The following GDAP1 variants were observed in gnomAD, a reference collection of about 807,000 sequenced individuals.
GDAP1 encodes ganglioside induced differentiation associated protein 1, also known as ganglioside-induced differentiation-associated protein 1.
In GDAP1, 34 loss-of-function variants were observed where a neutral mutation model predicts 40.1. That is an observed-to-expected ratio of 0.85 (90% confidence interval 0.64 to 1.13). The LOEUF (loss-of-function observed/expected upper bound fraction) is 1.13, where lower values mean the gene tolerates loss of function less well. GDAP1 is among the 50% of genes most tolerant of loss of function. The pLI is 0.00. For synonymous variants in GDAP1, 170 were observed against 157.4 expected, an observed-to-expected ratio of 1.08 and a Z score of -0.60; for missense variants, 374 against 433.7, an observed-to-expected ratio of 0.86 and a Z score of 1.22.
chr8:74,469,648 TAC>T (rs1224478905), intron 2 of GDAP1, among the ~76,000 whole-genome samples: 1 of 127,822 alleles, frequency 7.8e-6, no homozygotes, highest in Non-Finnish European at 1.7e-5. Context: ...CAGCCTGGGC[TAC>T]AGAGTGAGAC....
intron 2 of GDAP1, among the ~76,000 whole-genome samples, chr8:74,381,760 TAAA>T (rs59246526): frequency 0.43 from 61,397 of 142,122 alleles, 13,044 homozygotes; most frequent in African/African-American, 0.48. Flanking sequence ...CATCTCAAAT[TAAA>T]AAAAAAAAAA....
chr8:74,463,971 T>C (rs1244185029), intron 2 of GDAP1, among the ~76,000 whole-genome samples: 1 of 152,186 alleles, frequency 6.6e-6, no homozygotes, highest in African/African-American at 2.4e-5. Flanking sequence ...ATGTACCTGC[T>C]ATATCAAGAG....
At chr8:74,435,437 A>T (rs1334637921) in intron 2 of GDAP1, among the ~76,000 whole-genome samples, 1 of 152,196 alleles carries the variant, frequency 6.6e-6, no homozygotes, top group Non-Finnish European at 1.5e-5. Flanking sequence ...AGTTGAAATC[A>T]TTTCAAGGAG....
chr8:74,461,670 A>G (rs1806402631), intron 2 of GDAP1, among the ~76,000 whole-genome samples: 1 of 152,240 alleles, frequency 6.6e-6, no homozygotes, highest in South Asian at 2.1e-4. Flanking sequence ...CATGTTTGGC[A>G]TTGTATGGAT....
chr8:74,477,491 C>G lies in GDAP1; in HGVS notation c.166-11187C>G, dbSNP rs548129232. ...TTTTTTTTTAATTCTATTTGATGAC[C>G]TTGGGGGTTTGTGGTATAAAGTGAA... On this transcript the variant is annotated intron_variant, in intron 2 of 2. Coordinates refer to the GDAP1 transcript ENST00000523640. 6.6e-5 allele frequency among the ~76,000 whole-genome samples: 10 copies of G among 151,676 alleles called. No homozygotes were observed. In the South Asian group the frequency reaches 2.1e-3, roughly 32 times the overall value.
intron 2 of GDAP1, 140 bp downstream of exon 2, chr8:74,351,606 A>G: frequency 3.9e-6 from 3 of 768,552 alleles, no homozygotes; most frequent in Non-Finnish European, 7.0e-6. Context: ...TTCCATTTCC[A>G]TAAGCACACA....
Position 74,462,751 on chromosome 8 carries a change from T to G in GDAP1, c.166-25927T>G, listed in dbSNP as rs4386974. Reference sequence around the variant, plus strand: ...CACTAAGAAGAGGGTAAAACAAAAATTGGGAATGAGAATCCTAGAATTTTT... The same window carrying G: ...CACTAAGAAGAGGGTAAAACAAAAAGTGGGAATGAGAATCCTAGAATTTTT... On this transcript the variant is annotated intron_variant, in intron 2 of 2. Coordinates refer to the GDAP1 transcript ENST00000523640. 5.5e-4 allele frequency among the ~76,000 whole-genome samples: 84 copies of G among 152,262 alleles called. No individual in the cohort carries two copies. In the South Asian group the frequency reaches 0.017, roughly 31 times the overall value.
intron 2 of GDAP1, among the ~76,000 whole-genome samples, chr8:74,449,684 T>C (rs1448700762): frequency 1.3e-5 from 2 of 151,884 alleles, no homozygotes; most frequent in Non-Finnish European, 3.0e-5. Flanking sequence ...CATATATTAA[T>C]TATAGTCACT....
chr8:74,409,320 A>C (rs543230988), intron 2 of GDAP1, among the ~76,000 whole-genome samples: 1 of 149,804 alleles, frequency 6.7e-6, no homozygotes, highest in East Asian at 1.9e-4. Context: ...CTGATCTTGA[A>C]ACTTGAGAAA....
At chr8:74,371,609 G>A (rs1389366684), downstream of GDAP1, among the ~76,000 whole-genome samples, 3 of 150,998 alleles carry the variant, frequency 2.0e-5, no homozygotes, top group Admixed American at 6.6e-5. Flanking sequence ...GCAGTGAGCC[G>A]AGATCGCGCC....
intron 2 of GDAP1, among the ~76,000 whole-genome samples, chr8:74,436,492 G>A (rs532115965): frequency 2.1e-5 from 3 of 146,322 alleles, no homozygotes; most frequent in African/African-American, 7.6e-5. Flanking sequence ...GTGTGATCTC[G>A]GCTCACTGCA....
chr8:74,396,210 GA>G (rs1810196318), intron 2 of GDAP1, among the ~76,000 whole-genome samples: 1 of 151,796 alleles, frequency 6.6e-6, no homozygotes, highest in Non-Finnish European at 1.5e-5. Context: ...GTCTAAAAAA[GA>G]TATTTTTTAA....
At chr8:74,368,815 G>A (rs1809701681), downstream of GDAP1, among the ~76,000 whole-genome samples, 1 of 152,184 alleles carries the variant, frequency 6.6e-6, no homozygotes, top group Admixed American at 6.6e-5. Flanking sequence ...GAGCTATCCT[G>A]TGTGTTGTAG....
chr8:74,456,742 A>G (rs1216624415), intron 2 of GDAP1, among the ~76,000 whole-genome samples: 5 of 152,038 alleles, frequency 3.3e-5, no homozygotes, highest in African/African-American at 4.8e-5. Flanking sequence ...TGCAATTATA[A>G]AATACTCATG....
Position 74,416,503 on chromosome 8 carries a change from G to A in GDAP1, c.165+65182G>A, listed in dbSNP as rs1188569717. Among the ~76,000 whole-genome samples the A allele has an allele frequency of 1.3e-5, 2 of 150,296 alleles. 1 individual carries two copies. Among genetic ancestry groups the A allele is most frequent in the African/African-American group, 5.1e-5 (2 of 39,552 alleles). On this transcript the variant is annotated intron_variant, in intron 2 of 2. Coordinates refer to the GDAP1 transcript ENST00000523640. ...CTGCAGCACCCGGGCTAACCAGGAG[G>A]TCCTGAGTCTGTTCTGTCCACATGA...
intron 2 of GDAP1, among the ~76,000 whole-genome samples, chr8:74,380,729 C>A (rs1423609271): frequency 6.6e-6 from 1 of 152,026 alleles, no homozygotes; most frequent in Non-Finnish European, 1.5e-5. Context: ...TTTTCTTTAA[C>A]CATCTTCAAG....
chr8:74,351,547 T>C lies in GDAP1; in HGVS notation c.310+81T>C, dbSNP rs1158282486. 6 of 993,650 alleles carry C rather than the reference T, an allele frequency of 6.0e-6. No individual in the cohort carries two copies. In the East Asian group the frequency reaches 1.2e-4, roughly 20 times the overall value. 61.6% of individuals were successfully genotyped at this position (993,650 alleles called of 1,614,324 possible). A position where few individuals can be genotyped will look rare whatever the true frequency, so the allele number is the denominator to read the frequency against. Reference sequence around the variant, plus strand: ...TCCCTTTCTCTTTTTCTCTCTCTCCTCTCTCTCTTTCTCTTGTGTCATGAT... The same window carrying C: ...TCCCTTTCTCTTTTTCTCTCTCTCCCCTCTCTCTTTCTCTTGTGTCATGAT... On this transcript the variant is annotated intron_variant, in intron 2 of 5. Transcript: ENST00000220822.
At chr8:74,366,900 G>A, downstream of GDAP1, 2 of 387,012 alleles carry the variant, frequency 5.2e-6, no homozygotes, top group South Asian at 1.9e-5. Context: ...AATCTTTTTT[G>A]GAAAACAGAT....
downstream of GDAP1, among the ~76,000 whole-genome samples, chr8:74,369,602 G>GA (rs1809713841): frequency 6.7e-6 from 1 of 148,544 alleles, no homozygotes; most frequent in Admixed American, 6.8e-5. Flanking sequence ...AGAGAACAAA[G>GA]AATGGGGCAG....
Sources: gnomAD v4.1 joint callset for allele counts (sites outside exome capture counted in the v4.1 genomes callset) on GRCh38, gnomAD v4.1.1 for gene constraint, MANE v1.5 for transcripts, NCBI Gene and HGNC (gene_info 2026-07-23, HGNC 2026-07-21) for gene names.